Variants in LRP1B observed in about 807,000 individuals in gnomAD.
LRP1B encodes the protein LDL receptor related protein 1B, also known as low-density lipoprotein receptor-related protein 1B.
Under a neutral mutation model 556.6 loss-of-function variants are expected in LRP1B, and 217 were observed. The ratio of observed to expected loss-of-function variants is 0.39; its 90% CI spans 0.35 to 0.44. LRP1B has a LOEUF of 0.44. Ranked by LOEUF, LRP1B falls within the 20% of genes least tolerant of loss-of-function variation. The pLI, the probability that LRP1B is intolerant of heterozygous loss-of-function variation, is 1.00. For synonymous variants in LRP1B, 2,047 were observed against 1,865.8 expected, an observed-to-expected ratio of 1.10 and a Z score of -2.50; for missense variants, 5,053 against 5,620.8, an observed-to-expected ratio of 0.90 and a Z score of 3.23.
chr2:141,746,380 TG>T (rs1233669799), intron 2 of LRP1B, among the ~76,000 whole-genome samples: 2 of 152,150 alleles, frequency 1.3e-5, no homozygotes, highest in African/African-American at 4.8e-5. Flanking sequence ...CCTGTGTGGA[TG>T]GGTGCTGGCT....
intron 7 of LRP1B, among the ~76,000 whole-genome samples, chr2:141,063,428 A>G (rs931255388): frequency 1.3e-5 from 2 of 151,880 alleles, no homozygotes; most frequent in African/African-American, 2.4e-5. Context: ...TACAAGCTAG[A>G]TTTTATTATA....
At chr2:141,434,421 G>C (rs947634080) in intron 3 of LRP1B, among the ~76,000 whole-genome samples, 1 of 151,864 alleles carries the variant, frequency 6.6e-6, no homozygotes, top group Non-Finnish European at 1.5e-5. Context: ...TTCAACTGCA[G>C]ATTTTCCACT....
Position 142,021,958 on chromosome 2 carries a change from C to T in LRP1B, c.82+108690G>A, listed in dbSNP as rs147769784. Among the ~76,000 whole-genome samples the T allele has an allele frequency of 5.9e-5, 9 of 152,124 alleles. No individual in the cohort carries two copies. In the East Asian group the frequency reaches 1.5e-3, roughly 26 times the overall value. ...CCAAAAGATTATTGCATTTTAAAGCCATTTCAAGGCTAAAATATTCAGAAT... is the reference window on the plus strand; with the variant it reads ...CCAAAAGATTATTGCATTTTAAAGCTATTTCAAGGCTAAAATATTCAGAAT... On this transcript the variant is annotated intron_variant, in intron 1 of 90. Coordinates refer to ENST00000389484, the MANE Select transcript of LRP1B (RefSeq NM_018557.3).
At chr2:141,945,836 T>C (rs7609338) in intron 1 of LRP1B, among the ~76,000 whole-genome samples, 12,151 of 152,178 alleles carry the variant, frequency 0.08, 1,618 homozygotes, top group African/African-American at 0.28. Context: ...TAGAAGTAAA[T>C]ACATTCCTAA....
chr2:140,337,869 T>A (rs986924776), intron 77 of LRP1B, among the ~76,000 whole-genome samples: 1 of 151,826 alleles, frequency 6.6e-6, no homozygotes, highest in African/African-American at 2.4e-5. Context: ...AAATTCTGAT[T>A]ATCCTTCAAC....
intron 35 of LRP1B, among the ~76,000 whole-genome samples, chr2:140,718,544 T>C (rs1475199769): frequency 6.6e-6 from 1 of 152,082 alleles, no homozygotes; most frequent in African/African-American, 2.4e-5. Context: ...TGAGTCTTGC[T>C]TTGCCGCTTA....
chr2:140,510,117 A>T (rs1005314298), intron 51 of LRP1B, 61 bp from the exon 52 acceptor site: 2 of 1,563,846 alleles, frequency 1.3e-6, no homozygotes, highest in Non-Finnish European at 1.7e-6. Flanking sequence ...AATGTCTACC[A>T]TTTACATTTT....
At chr2:141,544,950 G>A (rs1016074133) in intron 2 of LRP1B, among the ~76,000 whole-genome samples, 3 of 152,060 alleles carry the variant, frequency 2.0e-5, no homozygotes, top group African/African-American at 7.2e-5. Flanking sequence ...TTTAGTGTGA[G>A]CCAGCATACA....
rs1400312295 is a variant in LRP1B at position 142,085,601 on chromosome 2, A to G, written c.82+45047T>C. On this transcript the variant is annotated intron_variant, in intron 1 of 90. Coordinates refer to ENST00000389484, the MANE Select transcript of LRP1B (RefSeq NM_018557.3). Reference sequence around the variant, plus strand: ...TTACATATTTCCATTATTATATCTTATTATTTATACATTTTCTTATTTAAA... The same window carrying G: ...TTACATATTTCCATTATTATATCTTGTTATTTATACATTTTCTTATTTAAA... 2.0e-5 allele frequency among the ~76,000 whole-genome samples: 3 copies of G among 152,152 alleles called. No individual in the cohort carries two copies. In the East Asian group the frequency reaches 5.8e-4, roughly 29 times the overall value.
intron 2 of LRP1B, among the ~76,000 whole-genome samples, chr2:141,658,572 C>T (rs1006321868): frequency 6.6e-6 from 1 of 152,182 alleles, no homozygotes; most frequent in African/African-American, 2.4e-5. Flanking sequence ...TTCATCTTAC[C>T]TGTCGGGTGA....
chr2:140,853,817 A>T (rs1692531335), intron 27 of LRP1B, among the ~76,000 whole-genome samples: 1 of 152,146 alleles, frequency 6.6e-6, no homozygotes, highest in Non-Finnish European at 1.5e-5. Context: ...TTCTTTTGTC[A>T]CACAGAGTAA....
intron 2 of LRP1B, among the ~76,000 whole-genome samples, chr2:141,618,573 G>C (rs1415927332): frequency 6.6e-6 from 1 of 152,034 alleles, no homozygotes; most frequent in African/African-American, 2.4e-5. Flanking sequence ...AAAAATACGT[G>C]GTCATTTACA....
intron 7 of LRP1B, among the ~76,000 whole-genome samples, chr2:141,079,262 T>C (rs917707490): frequency 6.6e-6 from 1 of 152,174 alleles, no homozygotes; most frequent in Non-Finnish European, 1.5e-5. Context: ...GTTGTCTCTA[T>C]AGCACACAAA....
At chr2:140,447,927 G>T (rs909919427) in intron 63 of LRP1B, among the ~76,000 whole-genome samples, 1 of 152,072 alleles carries the variant, frequency 6.6e-6, no homozygotes, top group African/African-American at 2.4e-5. Context: ...TGGGTTGGTA[G>T]GCAGCCAGAA....
intron 1 of LRP1B, among the ~76,000 whole-genome samples, chr2:141,979,770 A>T (rs183636503): frequency 2.6e-5 from 4 of 152,256 alleles, no homozygotes; most frequent in Admixed American, 2.6e-4. Flanking sequence ...GGATAATGCA[A>T]TAGTTCAGAC....
At chr2:141,791,051 T>G (rs1234261882) in intron 2 of LRP1B, among the ~76,000 whole-genome samples, 1 of 152,006 alleles carries the variant, frequency 6.6e-6, no homozygotes, top group African/African-American at 2.4e-5. Context: ...GTTCTGTTTT[T>G]TTAAAAAGTA....
intron 72 of LRP1B, among the ~76,000 whole-genome samples, chr2:140,360,223 G>T (rs1370462223): frequency 6.6e-6 from 1 of 151,496 alleles, no homozygotes; most frequent in African/African-American, 2.4e-5. Context: ...TGCCAATCCT[G>T]CAGACTCATC....
intron 2 of LRP1B, among the ~76,000 whole-genome samples, chr2:141,637,246 T>C (rs1313827867): frequency 1.3e-5 from 2 of 152,148 alleles, no homozygotes; most frequent in South Asian, 2.1e-4. Flanking sequence ...CCAGGCATTT[T>C]TGAGAATGAA....
intron 30 of LRP1B, among the ~76,000 whole-genome samples, chr2:140,840,415 G>A (rs1183079515): frequency 6.6e-6 from 1 of 152,170 alleles, no homozygotes; most frequent in Non-Finnish European, 1.5e-5. Flanking sequence ...CCTCTTGGCT[G>A]TGAAGAAATC....
Sources: allele counts gnomAD v4.1 joint callset (sites outside exome capture counted in the v4.1 genomes callset), GRCh38; gene constraint gnomAD v4.1.1; transcripts MANE v1.5; gene names NCBI Gene and HGNC (gene_info 2026-07-23, HGNC 2026-07-21).